The following NRXN1 variants were observed in gnomAD, a reference collection of about 807,000 sequenced individuals.
NRXN1 encodes neurexin 1, also known as neurexin-1.
In NRXN1, 39 loss-of-function variants were observed where a neutral mutation model predicts 150.9. The observed-to-expected ratio is 0.26, with a 90% CI of 0.20 to 0.34. The LOEUF (loss-of-function observed/expected upper bound fraction) is 0.34, where lower values mean the gene tolerates loss of function less well. Among genes scored for constraint, NRXN1 ranks in the 10% least tolerant of loss-of-function variants. The pLI is 1.00. For synonymous variants in NRXN1, 924 were observed against 757.0 expected, an observed-to-expected ratio of 1.22 and a Z score of -3.62; for missense variants, 1,815 against 1,949.9, an observed-to-expected ratio of 0.93 and a Z score of 1.30.
At chr2:50,594,859 C>G (rs1386185311) in intron 8 of NRXN1, among the ~76,000 whole-genome samples, 1 of 152,084 alleles carries the variant, frequency 6.6e-6, no homozygotes, top group Non-Finnish European at 1.5e-5. Flanking sequence ...AGGGGTGACT[C>G]TCATACTGCT....
At chr2:50,161,833 G>A (rs898850147) in intron 18 of NRXN1, among the ~76,000 whole-genome samples, 3 of 152,050 alleles carry the variant, frequency 2.0e-5, no homozygotes, top group Non-Finnish European at 4.4e-5. Context: ...TTTGTGGGAG[G>A]AATGAAGGCA....
chr2:50,423,773 G>A (rs920862150), intron 17 of NRXN1, among the ~76,000 whole-genome samples: 1 of 151,962 alleles, frequency 6.6e-6, no homozygotes, highest in South Asian at 2.1e-4. Context: ...TTCAGGAAAA[G>A]AAAGAAAGAA....
intron 17 of NRXN1, among the ~76,000 whole-genome samples, chr2:50,386,977 G>C (rs2081369563): frequency 6.6e-6 from 1 of 152,150 alleles, no homozygotes; most frequent in African/African-American, 2.4e-5. Flanking sequence ...AACAAGCTGA[G>C]TGATCTAGTG....
At chr2:50,814,531 C>G (rs150280476) in intron 5 of NRXN1, among the ~76,000 whole-genome samples, 1 of 151,956 alleles carries the variant, frequency 6.6e-6, no homozygotes, top group Admixed American at 6.6e-5. Context: ...AAGAAGAACC[C>G]TGGGGAACAA....
At chr2:50,319,366 T>C (rs1292018110) in intron 17 of NRXN1, among the ~76,000 whole-genome samples, 1 of 152,180 alleles carries the variant, frequency 6.6e-6, no homozygotes, top group Non-Finnish European at 1.5e-5. Context: ...CACAGTCATT[T>C]GTATAGCCAT....
intron 5 of NRXN1, among the ~76,000 whole-genome samples, chr2:50,779,344 C>T (rs1461875885): frequency 6.6e-6 from 1 of 152,168 alleles, no homozygotes; most frequent in African/African-American, 2.4e-5. Flanking sequence ...CTGCAAAATA[C>T]ATGAACTCAT....
rs1672162289 is a variant in NRXN1 at position 50,836,752 on chromosome 2, T to G, written c.832+85117A>C. Among the ~76,000 whole-genome samples the G allele has an allele frequency of 2.0e-5, 3 of 152,030 alleles. No homozygotes were observed. In the South Asian group the frequency reaches 6.2e-4, roughly 31 times the overall value. ...ACACCCAGGTTGCTTCCATGTAATCTTGACCTAAGTTACAAATTTGCGAAC... is the reference window on the plus strand; with the variant it reads ...ACACCCAGGTTGCTTCCATGTAATCGTGACCTAAGTTACAAATTTGCGAAC... On this transcript the variant is annotated intron_variant, in intron 5 of 22. Transcript: ENST00000401669.
chr2:50,625,482 C>G (rs1235930792), intron 5 of NRXN1, among the ~76,000 whole-genome samples: 1 of 152,072 alleles, frequency 6.6e-6, no homozygotes, highest in Non-Finnish European at 1.5e-5. Context: ...AGAATATTGG[C>G]TGAGCACCTC....
intron 5 of NRXN1, among the ~76,000 whole-genome samples, chr2:50,685,475 A>G (rs537878695): frequency 2.0e-5 from 3 of 152,088 alleles, no homozygotes; most frequent in Non-Finnish European, 4.4e-5. Flanking sequence ...TGACATCACC[A>G]TTATCTCCAT....
At chr2:50,540,488 A>G (rs1360616832) in intron 9 of NRXN1, among the ~76,000 whole-genome samples, 1 of 152,206 alleles carries the variant, frequency 6.6e-6, no homozygotes, top group East Asian at 1.9e-4. Flanking sequence ...AGCCCTATTC[A>G]AAATACCTAA....
intron 21 of NRXN1, among the ~76,000 whole-genome samples, chr2:49,986,960 G>T (rs1317657285): frequency 6.6e-6 from 1 of 152,050 alleles, no homozygotes; most frequent in Admixed American, 6.6e-5. Context: ...AGTTACTTGG[G>T]AGGCTGAAGT....
chr2:50,348,520 C>T lies in NRXN1; in HGVS notation c.3365-111550G>A, dbSNP rs74792469. Among the ~76,000 whole-genome samples the T allele has an allele frequency of 7.6e-3, 1,154 of 152,312 alleles. 24 individuals carry two copies. The highest frequency in any genetic ancestry group is 0.026 in the African/African-American group (1,093 of 41,558). On this transcript the variant is annotated intron_variant, in intron 17 of 22. Coordinates refer to ENST00000401669, the MANE Select transcript of NRXN1 (RefSeq NM_001330078.2). ...GATGATCTTTGCTAACAGTGGAACT[C>T]CTCCTTTCTCTCATCCTGTCTTATA... is the stretch of plus-strand genomic sequence containing the variant.
intron 22 of NRXN1, among the ~76,000 whole-genome samples, chr2:49,933,980 G>T (rs1378390340): frequency 6.6e-6 from 1 of 152,148 alleles, no homozygotes; most frequent in Admixed American, 6.5e-5. Context: ...AGGGCATGTT[G>T]TTTCAGGCCA....
chr2:50,638,021 A>G (rs756996363), intron 5 of NRXN1, among the ~76,000 whole-genome samples: 2 of 152,164 alleles, frequency 1.3e-5, no homozygotes, highest in Non-Finnish European at 2.9e-5. Context: ...GTGCATCTTT[A>G]TCAGAGATCT....
At position 50,525,136 on chromosome 2, in the gene NRXN1, C is replaced by T. The variant is rs535204816; in HGVS notation, c.2374+3489G>A. 2.6e-5 allele frequency among the ~76,000 whole-genome samples: 4 copies of T among 152,256 alleles called. No homozygotes were observed. In the East Asian group the frequency reaches 7.7e-4, roughly 29 times the overall value. On this transcript the variant is annotated intron_variant, in intron 12 of 22. Transcript: ENST00000401669. ...AATGACTTACTAAAGTCATTTAATA[C>T]TATGGACCAGGCAAGAGACTGTAAA...
intron 17 of NRXN1, among the ~76,000 whole-genome samples, chr2:50,261,284 C>T: frequency 6.6e-6 from 1 of 151,788 alleles, no homozygotes; most frequent in East Asian, 1.9e-4. Context: ...CACTAACTCT[C>T]AAAATATTTA....
At chr2:50,435,342 T>G (rs927271556) in intron 17 of NRXN1, among the ~76,000 whole-genome samples, 1 of 152,198 alleles carries the variant, frequency 6.6e-6, no homozygotes, top group South Asian at 2.1e-4. Flanking sequence ...TTATGCAAAC[T>G]ATAAAATATA....
chr2:50,621,534 C>G (rs527699820), intron 6 of NRXN1, among the ~76,000 whole-genome samples: 1 of 152,188 alleles, frequency 6.6e-6, no homozygotes, highest in African/African-American at 2.4e-5. Flanking sequence ...TAGACAGAAA[C>G]AGACACATGA....
At chr2:50,519,489 A>C (rs76789943) in intron 12 of NRXN1, among the ~76,000 whole-genome samples, 4,987 of 152,070 alleles carry the variant, frequency 0.033, 104 homozygotes, top group Non-Finnish European at 0.051. Flanking sequence ...TTGTCCAACT[A>C]TAACAATAAC....
Sources: gnomAD v4.1 joint callset for allele counts (sites outside exome capture counted in the v4.1 genomes callset) on GRCh38, gnomAD v4.1.1 for gene constraint, MANE v1.5 for transcripts, NCBI Gene and HGNC (gene_info 2026-07-23, HGNC 2026-07-21) for gene names.